CYP27A1: variants seen among roughly 807,000 people sequenced by gnomAD.
The protein encoded by CYP27A1 is sterol 26-hydroxylase, mitochondrial.
CYP27A1 carries 46 observed loss-of-function variants against 58.2 expected under a neutral mutation model. The ratio of observed to expected loss-of-function variants is 0.79; its 90% CI spans 0.62 to 1.01. The LOEUF (loss-of-function observed/expected upper bound fraction) is 1.01. Ranked by LOEUF, CYP27A1 falls within the 50% of genes least tolerant of loss-of-function variation. The pLI, the probability that CYP27A1 is intolerant of heterozygous loss-of-function variation, is 0.00. For synonymous variants in CYP27A1, 274 were observed against 285.1 expected (o/e 0.96, Z 0.39); for missense variants, 704 against 687.0 (o/e 1.02, Z -0.28).
rs190012697 is a variant in CYP27A1, at chr2:218,812,950, G to T, written c.871G>T (p.Glu291Ter). Residue 291 changes from glutamate (E) to a stop codon, truncating the protein, a stop_gained, in exon 5 of 9, where the codon GAA becomes TAA. Transcript: ENST00000258415. LOFTEE classifies it high-confidence loss of function. ...GAAGAAGCTGATTGATGAGAAGCTCGAAGATATGGAGGCCCAACTGCAGGC... is the reference window on the plus strand; with the variant it reads ...GAAGAAGCTGATTGATGAGAAGCTCTAAGATATGGAGGCCCAACTGCAGGC... Reference protein sequence around the residue: ...FGKKLIDEKLEDMEAQLQAAG... With the variant: ...FGKKLIDEKL 1 of 1,614,204 alleles carries T rather than the reference G, an allele frequency of 6.2e-7. No individual in the cohort carries two copies.
At chr2:218,785,447 C>G (rs1387763681) in intron 1 of CYP27A1, among the ~76,000 whole-genome samples, 1 of 152,020 alleles carries the variant, frequency 6.6e-6, no homozygotes, top group Non-Finnish European at 1.5e-5. Flanking sequence ...CTCCTGTTAA[C>G]TTCTTCTGCT....
At chr2:218,785,959 G>GTATT (rs1943436865) in intron 1 of CYP27A1, among the ~76,000 whole-genome samples, 1 of 152,164 alleles carries the variant, frequency 6.6e-6, no homozygotes, top group Non-Finnish European at 1.5e-5. Flanking sequence ...TCCTTCAGGT[G>GTATT]TATTTATTCT....
intron 1 of CYP27A1, among the ~76,000 whole-genome samples, chr2:218,800,929 T>G (rs1050908981): frequency 6.6e-6 from 1 of 152,236 alleles, no homozygotes; most frequent in Non-Finnish European, 1.5e-5. Context: ...TAACAATTTT[T>G]AATGGCTGAA....
intron 1 of CYP27A1, among the ~76,000 whole-genome samples, chr2:218,804,071 TA>T (rs35689703): frequency 0.5 from 75,776 of 151,470 alleles, 19,445 homozygotes; most frequent in African/African-American, 0.57. Flanking sequence ...TTTATCTATT[TA>T]AAAAAAATTC....
At position 218,813,072 on chromosome 2, in the gene CYP27A1, G is replaced by A; in HGVS notation, c.993G>A (p.Glu331=). The change falls in exon 5 of 9, where the codon GAG becomes GAA. Residue 331 remains glutamate, a synonymous_variant. Coordinates refer to ENST00000258415, the MANE Select transcript of CYP27A1 (RefSeq NM_000784.4). ...GGGAGGCCATGGGCAGCCTGCCTGA[G>A]CTGCTCATGGCTGGAGTGGACACGG... ...SPREAMGSLP[E]LLMAGVDTTS... 6.2e-7 allele frequency: 1 copy of A among 1,613,246 alleles called. No homozygotes were observed. Among genetic ancestry groups the A allele is most frequent in the African/African-American group, 1.3e-5 (1 of 75,032 alleles).
rs1439125243 is a variant in CYP27A1 at position 218,782,479 on chromosome 2, A to C, written c.255+42A>C. On this transcript the variant is annotated intron_variant, in intron 1 of 8. Coordinates refer to ENST00000258415, the MANE Select transcript of CYP27A1 (RefSeq NM_000784.4). The surrounding 1 kb of genome is among the most constrained non-coding windows in gnomAD (Gnocchi z 4.1). The stretch of plus-strand genomic sequence containing the variant: ...TCGCGTCCTGGGGATGGGAGTGGGC[A>C]CCGGAACAGAGAGGCTAGAGGTGAG... 2 of 1,613,184 alleles carry C rather than the reference A, an allele frequency of 1.2e-6. No individual in the cohort carries two copies. The highest frequency in any genetic ancestry group is 1.7e-5 in the Admixed American group (1 of 60,014).
At chr2:218,784,727 C>T (rs1943426223) in intron 1 of CYP27A1, among the ~76,000 whole-genome samples, 1 of 152,190 alleles carries the variant, frequency 6.6e-6, no homozygotes, top group South Asian at 2.1e-4. Context: ...GCACTGATCC[C>T]ATTTTTCTGG....
At chr2:218,810,704 A>G in intron 2 of CYP27A1, among the ~76,000 whole-genome samples, 1 of 152,200 alleles carries the variant, frequency 6.6e-6, no homozygotes, top group East Asian at 1.9e-4. Context: ...TACTTTTGGA[A>G]CAACGTGAAG....
intron 1 of CYP27A1, among the ~76,000 whole-genome samples, chr2:218,794,643 A>G (rs1213076373): frequency 2.0e-5 from 3 of 152,268 alleles, no homozygotes; most frequent in Middle Eastern, 3.4e-3. Flanking sequence ...CTTGAGCCCA[A>G]TCCTGAACCA....
At chr2:218,803,543 C>A (rs1943620528) in intron 1 of CYP27A1, among the ~76,000 whole-genome samples, 2 of 152,078 alleles carry the variant, frequency 1.3e-5, no homozygotes, top group South Asian at 4.1e-4. Context: ...TCTGCTTCAG[C>A]CTCCCAGGTA....
At chr2:218,797,407 T>C (rs1943558097) in intron 1 of CYP27A1, among the ~76,000 whole-genome samples, 1 of 152,164 alleles carries the variant, frequency 6.6e-6, no homozygotes, top group East Asian at 1.9e-4. Flanking sequence ...GCCTTAATTA[T>C]GATTGATAGC....
At chr2:218,791,202 T>C (rs930459268) in intron 1 of CYP27A1, among the ~76,000 whole-genome samples, 7 of 152,208 alleles carry the variant, frequency 4.6e-5, no homozygotes, top group African/African-American at 7.2e-5. Context: ...TAATACATGA[T>C]GCCCTTTGAG....
chr2:218,790,090 T>C (rs1943477626), intron 1 of CYP27A1, among the ~76,000 whole-genome samples: 1 of 152,218 alleles, frequency 6.6e-6, no homozygotes, highest in Non-Finnish European at 1.5e-5. Context: ...CATAATTTGT[T>C]TCCAATTTCT....
chr2:218,798,548 A>T (rs902930876), intron 1 of CYP27A1, among the ~76,000 whole-genome samples: 1 of 152,212 alleles, frequency 6.6e-6, no homozygotes, highest in African/African-American at 2.4e-5. Context: ...CAAGTCAAAT[A>T]GTTCTCAAAA....
chr2:218,789,783 T>C (rs1045269122), intron 1 of CYP27A1, among the ~76,000 whole-genome samples: 1 of 152,196 alleles, frequency 6.6e-6, no homozygotes, highest in Non-Finnish European at 1.5e-5. Flanking sequence ...ATTATCACCA[T>C]TGTAAATGTA....
intron 1 of CYP27A1, among the ~76,000 whole-genome samples, chr2:218,807,239 G>A (rs758309840): frequency 9.2e-5 from 14 of 152,088 alleles, no homozygotes; most frequent in East Asian, 1.9e-4. Flanking sequence ...GATTACAGGC[G>A]TGAGCCACTG....
intron 1 of CYP27A1, among the ~76,000 whole-genome samples, chr2:218,790,665 G>T (rs564175463): frequency 6.6e-6 from 1 of 152,012 alleles, no homozygotes; most frequent in South Asian, 2.1e-4. Flanking sequence ...AGTAGAATCT[G>T]CTAGAGAGCC....
chr2:218,786,094 C>T (rs1411101447), intron 1 of CYP27A1, among the ~76,000 whole-genome samples: 1 of 152,154 alleles, frequency 6.6e-6, no homozygotes, highest in African/African-American at 2.4e-5. Context: ...TGAGACCAGA[C>T]TGAGAAACAT....
intron 1 of CYP27A1, among the ~76,000 whole-genome samples, chr2:218,792,319 T>C (rs1943501736): frequency 6.6e-6 from 1 of 152,208 alleles, no homozygotes; most frequent in African/African-American, 2.4e-5. Context: ...ATGGAGTTCA[T>C]TCAAACTGTA....
Sources: allele counts gnomAD v4.1 joint callset (sites outside exome capture counted in the v4.1 genomes callset), GRCh38; gene constraint gnomAD v4.1.1; non-coding constraint Gnocchi (gnomAD v3.1); transcripts MANE v1.5; gene names NCBI Gene and HGNC (gene_info 2026-07-23, HGNC 2026-07-21).